Variants in EXOC4 observed in about 807,000 individuals in gnomAD.
EXOC4 encodes the protein exocyst complex component 4.
Under a neutral mutation model 107.2 loss-of-function variants are expected in EXOC4, and 71 were observed. The ratio of observed to expected loss-of-function variants is 0.66; its 90% CI spans 0.55 to 0.81. The LOEUF (loss-of-function observed/expected upper bound fraction) is 0.81, where lower values mean the gene tolerates loss of function less well. Among genes scored for constraint, EXOC4 ranks in the 30% least tolerant of loss-of-function variants. EXOC4 has a pLI of 0.00. For synonymous variants in EXOC4, 456 were observed against 441.2 expected, an observed-to-expected ratio of 1.03 and a Z score of -0.42; for missense variants, 1,108 against 1,189.6, an observed-to-expected ratio of 0.93 and a Z score of 1.01.
chr7:133,769,240 C>T (rs1033372547), intron 10 of EXOC4, among the ~76,000 whole-genome samples: 5 of 151,754 alleles, frequency 3.3e-5, no homozygotes, highest in East Asian at 1.9e-4. Context: ...TACTTGTATC[C>T]GGAACTTAAA....
chr7:133,828,828 A>T (rs1264967944), intron 11 of EXOC4, among the ~76,000 whole-genome samples: 3 of 152,226 alleles, frequency 2.0e-5, no homozygotes, highest in African/African-American at 7.2e-5. Flanking sequence ...TGATGTGGGG[A>T]TACAGAATAA....
At chr7:133,439,182 C>CTTTTTTTTTTTTTTTTT (rs35280420) in intron 7 of EXOC4, among the ~76,000 whole-genome samples, 1 of 94,066 alleles carries the variant, frequency 1.1e-5, no homozygotes, top group Admixed American at 1.5e-4. Context: ...TTCATCAGTT[C>CTTTTTTTTTTTTTTTTT]TTTTTTTTTT....
intron 6 of EXOC4, 33 bp from the exon 7 acceptor site, chr7:133,374,793 ATG>A (rs1563041121): frequency 6.4e-7 from 1 of 1,573,370 alleles, no homozygotes; most frequent in Non-Finnish European, 8.7e-7. Context: ...GCGTGTACGT[ATG>A]TGTAAATGTT....
At chr7:133,324,756 G>C (rs1404739461) in intron 5 of EXOC4, among the ~76,000 whole-genome samples, 1 of 152,188 alleles carries the variant, frequency 6.6e-6, no homozygotes, top group African/African-American at 2.4e-5. Context: ...TTCAATTCCT[G>C]TATATCCTTG....
chr7:133,657,460 T>G (rs997188337), intron 10 of EXOC4, among the ~76,000 whole-genome samples: 4 of 152,192 alleles, frequency 2.6e-5, no homozygotes, highest in Non-Finnish European at 4.4e-5. Flanking sequence ...CATTATACTT[T>G]TAGTATAAAC....
chr7:133,434,616 C>T (rs1283389678), intron 7 of EXOC4, among the ~76,000 whole-genome samples: 1 of 152,182 alleles, frequency 6.6e-6, no homozygotes, highest in Admixed American at 6.5e-5. Flanking sequence ...CTGTTGGCAA[C>T]ATTTATTAAC....
At chr7:134,056,093 T>C (rs1381003573) in intron 17 of EXOC4, among the ~76,000 whole-genome samples, 1 of 152,204 alleles carries the variant, frequency 6.6e-6, no homozygotes, top group Non-Finnish European at 1.5e-5. Context: ...ACAAGAGTCT[T>C]GTGCTAATTG....
In EXOC4 at chr7:133,779,187, G is replaced by A. The variant is rs79365886; in HGVS notation, c.1515-38138G>A. 6.3e-3 allele frequency among the ~76,000 whole-genome samples: 953 copies of A among 152,266 alleles called. 52 individuals are homozygous for A. In the East Asian group the frequency reaches 0.13, roughly 21 times the overall value. ...GTATTGGAAAGGTAATTTTGTTTTG[G>A]TAGGCCACAGGGTTTTGCTTTCTGA... On this transcript the variant is annotated intron_variant, in intron 10 of 17. Coordinates refer to ENST00000253861, the MANE Select transcript of EXOC4 (RefSeq NM_021807.4).
chr7:133,515,263 AGGT>A (rs1229740617), intron 9 of EXOC4, among the ~76,000 whole-genome samples: 2 of 151,958 alleles, frequency 1.3e-5, no homozygotes, highest in Non-Finnish European at 2.9e-5. Flanking sequence ...ATACTTTTTT[AGGT>A]GGGTTTGTAA....
At chr7:133,280,121 C>A (rs1486510560) in intron 2 of EXOC4, among the ~76,000 whole-genome samples, 1 of 152,058 alleles carries the variant, frequency 6.6e-6, no homozygotes, top group Non-Finnish European at 1.5e-5. Flanking sequence ...CCATGCCTAG[C>A]TAATTTAAAA....
chr7:133,486,619 C>T (rs1799274494), intron 9 of EXOC4, among the ~76,000 whole-genome samples: 1 of 152,014 alleles, frequency 6.6e-6, no homozygotes, highest in Non-Finnish European at 1.5e-5. Flanking sequence ...ATGCAGGGAA[C>T]ATGAAAAAAA....
At chr7:133,368,102 A>T (rs912117682) in intron 6 of EXOC4, among the ~76,000 whole-genome samples, 6 of 152,202 alleles carry the variant, frequency 3.9e-5, no homozygotes, top group Non-Finnish European at 4.4e-5. Flanking sequence ...ACATTGGTCC[A>T]TGTGTTGTAG....
intron 9 of EXOC4, among the ~76,000 whole-genome samples, chr7:133,531,031 C>T (rs773084077): frequency 5.3e-5 from 8 of 151,946 alleles, no homozygotes; most frequent in Non-Finnish European, 7.4e-5. Flanking sequence ...CAGGACTTAA[C>T]GGAGGCTAAA....
chr7:133,463,160 A>G (rs1465833688), intron 7 of EXOC4, among the ~76,000 whole-genome samples: 1 of 152,212 alleles, frequency 6.6e-6, no homozygotes, highest in Non-Finnish European at 1.5e-5. Flanking sequence ...GGGACTGGAC[A>G]TGAAGTGTGT....
intron 13 of EXOC4, among the ~76,000 whole-genome samples, chr7:133,921,496 C>G (rs1218651067): frequency 2.0e-5 from 3 of 152,096 alleles, no homozygotes; most frequent in Non-Finnish European, 4.4e-5. Context: ...CTTTTAACAA[C>G]TAAATATTTT....
chr7:133,449,945 G>A (rs1798304225), intron 7 of EXOC4, among the ~76,000 whole-genome samples: 1 of 151,700 alleles, frequency 6.6e-6, no homozygotes, highest in Non-Finnish European at 1.5e-5. Context: ...TAGTATCCTA[G>A]TTCCTTTATT....
At chr7:133,375,653 C>T (rs993575435) in intron 7 of EXOC4, among the ~76,000 whole-genome samples, 11 of 152,086 alleles carry the variant, frequency 7.2e-5, no homozygotes, top group Non-Finnish European at 1.3e-4. Context: ...TAAACATGTA[C>T]ATAGCTTAAT....
intron 10 of EXOC4, among the ~76,000 whole-genome samples, chr7:133,811,002 T>C (rs1262634400): frequency 6.6e-6 from 1 of 152,136 alleles, no homozygotes; most frequent in Non-Finnish European, 1.5e-5. Flanking sequence ...TTTTTTTGTT[T>C]CTCCTACTTT....
chr7:133,758,023 T>G (rs1795954485), intron 10 of EXOC4, among the ~76,000 whole-genome samples: 1 of 152,148 alleles, frequency 6.6e-6, no homozygotes, highest in African/African-American at 2.4e-5. Flanking sequence ...TTTGTTCAGT[T>G]GGGGGAATTT....
Sources: allele counts gnomAD v4.1 joint callset (sites outside exome capture counted in the v4.1 genomes callset), GRCh38; gene constraint gnomAD v4.1.1; transcripts MANE v1.5; gene names NCBI Gene and HGNC (gene_info 2026-07-23, HGNC 2026-07-21).